Variants in EYS observed in about 807,000 individuals in gnomAD.
EYS encodes EGF-like photoreceptor maintenance factor.
A neutral mutation model predicts 282.1 loss-of-function variants in EYS; 250 were observed. The ratio of observed to expected loss-of-function variants is 0.89; its 90% CI spans 0.80 to 0.98. The LOEUF (loss-of-function observed/expected upper bound fraction) is 0.98. Among genes scored for constraint, EYS ranks in the 50% least tolerant of loss-of-function variants. The pLI is 0.00. For synonymous variants in EYS, 1,355 were observed against 1,282.9 expected, an observed-to-expected ratio of 1.06 and a Z score of -1.20; for missense variants, 4,016 against 3,709.0, an observed-to-expected ratio of 1.08 and a Z score of -2.15.
intron 15 of EYS, among the ~76,000 whole-genome samples, chr6:64,939,915 T>C (rs1769032526): frequency 1.3e-5 from 2 of 151,988 alleles, no homozygotes; most frequent in African/African-American, 4.8e-5. Flanking sequence ...CTTATAATCA[T>C]ATCAAATAGA....
intron 26 of EYS, among the ~76,000 whole-genome samples, chr6:64,540,234 C>T (rs1419012674): frequency 6.6e-6 from 1 of 152,168 alleles, no homozygotes; most frequent in Non-Finnish European, 1.5e-5. Context: ...TGTCTTACAT[C>T]CTTTTTTGGC....
At chr6:65,009,603 ATC>A (rs1295506272) in intron 13 of EYS, among the ~76,000 whole-genome samples, 2 of 152,108 alleles carry the variant, frequency 1.3e-5, no homozygotes, top group African/African-American at 2.4e-5. Flanking sequence ...GATAGCCCCC[ATC>A]TATTAGGCAT....
chr6:64,000,535 A>G lies in EYS; in HGVS notation c.6726-1352T>C, dbSNP rs139500394. Among the ~76,000 whole-genome samples the G allele has an allele frequency of 8.0e-3, 1,212 of 152,124 alleles. 6 individuals are homozygous for G. Among genetic ancestry groups the G allele is most frequent in the Middle Eastern group, 0.017 (5 of 294 alleles). On this transcript the variant is annotated intron_variant, in intron 33 of 42. Transcript: ENST00000503581. ...TTTTAAAACCAGAGAAGTTCCTGGAAGACCTGGAGAAGTTGGTCATTTTAT... is the reference window on the plus strand; with the variant it reads ...TTTTAAAACCAGAGAAGTTCCTGGAGGACCTGGAGAAGTTGGTCATTTTAT...
chr6:64,577,670 T>C (rs1765926022), intron 26 of EYS, among the ~76,000 whole-genome samples: 1 of 152,114 alleles, frequency 6.6e-6, no homozygotes, highest in Non-Finnish European at 1.5e-5. Context: ...ACTAAACATA[T>C]ATTTTAGAAT....
At chr6:63,789,894 C>T (rs1770463309) in intron 37 of EYS, among the ~76,000 whole-genome samples, 2 of 152,142 alleles carry the variant, frequency 1.3e-5, no homozygotes, top group African/African-American at 4.8e-5. Flanking sequence ...CAGCATTAAT[C>T]ACTAGGGGAA....
intron 2 of EYS, among the ~76,000 whole-genome samples, chr6:65,517,338 C>CA (rs200763799): frequency 0.025 from 2,080 of 82,074 alleles, 54 homozygotes; most frequent in African/African-American, 0.099. Context: ...TTCAAAACAA[C>CA]AACAAAAAAA....
At chr6:65,004,488 T>G (rs1195578961) in intron 13 of EYS, among the ~76,000 whole-genome samples, 1 of 147,700 alleles carries the variant, frequency 6.8e-6, no homozygotes, top group African/African-American at 2.4e-5. Flanking sequence ...AGGCAAGGGC[T>G]GGAACTGCAC....
rs79313257 is a variant in EYS at position 64,044,059 on chromosome 6, G to T, written c.6725+22279C>A. Among the ~76,000 whole-genome samples, 923 of 152,242 alleles carry T rather than the reference G, an allele frequency of 6.1e-3. 11 individuals carry two copies. Among genetic ancestry groups the T allele is most frequent in the African/African-American group, 0.021 (886 of 41,532 alleles). On this transcript the variant is annotated intron_variant, in intron 33 of 42. Coordinates refer to ENST00000503581, the MANE Select transcript of EYS (RefSeq NM_001142800.2). ...GTTATGCTAATGAGGCACATGTTCAGTTAGCTTTGTTTGTGAATCCTTGTG... is the reference window on the plus strand; with the variant it reads ...GTTATGCTAATGAGGCACATGTTCATTTAGCTTTGTTTGTGAATCCTTGTG...
In EYS at chr6:65,013,326, G is replaced by T. The variant is rs201016812; in HGVS notation, c.2138-15623C>A. Among the ~76,000 whole-genome samples the T allele has an allele frequency of 6.1e-3, 934 of 152,212 alleles. 6 individuals are homozygous for T. Among genetic ancestry groups the T allele is most frequent in the Non-Finnish European group, 0.01 (690 of 68,010 alleles). The stretch of plus-strand genomic sequence containing the variant: ...TGAATTCACTGTACCCCCATATCAT[G>T]TTGATTTGTACATGAATTCATTATA... On this transcript the variant is annotated intron_variant, in intron 13 of 42. Coordinates refer to ENST00000503581, the MANE Select transcript of EYS (RefSeq NM_001142800.2).
intron 28 of EYS, among the ~76,000 whole-genome samples, chr6:64,425,854 C>A (rs1483834815): frequency 6.6e-6 from 1 of 151,000 alleles, no homozygotes; most frequent in Middle Eastern, 3.4e-3. Flanking sequence ...ACAGGAAAGG[C>A]CATGGAGGGA....
intron 13 of EYS, among the ~76,000 whole-genome samples, chr6:65,000,170 C>G (rs1192859842): frequency 1.3e-5 from 2 of 152,192 alleles, no homozygotes; most frequent in African/African-American, 4.8e-5. Context: ...AGCTCCACAT[C>G]CTGCCTGTCT....
chr6:65,408,769 T>TC (rs1325085229), intron 5 of EYS, among the ~76,000 whole-genome samples: 1 of 152,098 alleles, frequency 6.6e-6, no homozygotes, highest in African/African-American at 2.4e-5. Flanking sequence ...TTAATGTGGT[T>TC]TTTTTCCATT....
chr6:65,330,816 T>C, intron 11 of EYS: 6 of 946,890 alleles, frequency 6.3e-6, no homozygotes, highest in Non-Finnish European at 6.3e-6. Flanking sequence ...CTTAAACTTT[T>C]AGATCCCTAT....
chr6:65,050,248 G>T (rs1773230025), intron 13 of EYS, among the ~76,000 whole-genome samples: 1 of 151,570 alleles, frequency 6.6e-6, no homozygotes, highest in Non-Finnish European at 1.5e-5. Flanking sequence ...ACCTTAGCAT[G>T]TTAGCACTTA....
intron 12 of EYS, among the ~76,000 whole-genome samples, chr6:65,101,711 A>G (rs1774897317): frequency 6.6e-6 from 1 of 151,252 alleles, no homozygotes; most frequent in Non-Finnish European, 1.5e-5. Context: ...GTCACAGTTC[A>G]TCTTGACCTT....
intron 22 of EYS, among the ~76,000 whole-genome samples, chr6:64,810,129 T>A (rs1393515226): frequency 6.6e-6 from 1 of 151,952 alleles, no homozygotes; most frequent in African/African-American, 2.4e-5. Flanking sequence ...ACAAATAGAA[T>A]AATTTTAAAA....
intron 22 of EYS, among the ~76,000 whole-genome samples, chr6:64,705,201 C>G (rs905288563): frequency 6.6e-6 from 1 of 152,108 alleles, no homozygotes. Context: ...AGCTGAGAAT[C>G]AAATTAAGAA....
In EYS at chr6:64,227,108, C is replaced by A. The variant is rs1766273520; in HGVS notation, c.6424+3484G>T. Among the ~76,000 whole-genome samples the A allele has an allele frequency of 2.0e-5, 3 of 152,058 alleles. No homozygotes were observed. The South Asian group carries it at 6.2e-4, about 32-fold the overall frequency. On this transcript the variant is annotated intron_variant, in intron 31 of 42. Coordinates refer to ENST00000503581, the MANE Select transcript of EYS (RefSeq NM_001142800.2). ...TATTTTTTCAGTCATGTTCTTTCAT[C>A]AGTTATGTCTAGATTTTTCTGAAAT...
intron 26 of EYS, among the ~76,000 whole-genome samples, chr6:64,447,313 A>C (rs1479065151): frequency 6.6e-6 from 1 of 152,150 alleles, no homozygotes; most frequent in African/African-American, 2.4e-5. Context: ...TCACCTTAAA[A>C]TCCAACTTTA....
Sources: allele counts gnomAD v4.1 joint callset (sites outside exome capture counted in the v4.1 genomes callset), GRCh38; gene constraint gnomAD v4.1.1; transcripts MANE v1.5; gene names NCBI Gene and HGNC (gene_info 2026-07-23, HGNC 2026-07-21).